Variants in SLC5A3 observed in about 807,000 individuals in gnomAD.
SLC5A3 encodes sodium/myo-inositol cotransporter.
SLC5A3 carries 10 observed loss-of-function variants against 43.2 expected under a neutral mutation model. The ratio of observed to expected loss-of-function variants is 0.23; its 90% CI spans 0.14 to 0.39. The LOEUF (loss-of-function observed/expected upper bound fraction) is 0.39. SLC5A3 is among the 10% of genes least tolerant of loss of function. The pLI is 1.00. For synonymous variants in SLC5A3, 349 were observed against 322.0 expected, an observed-to-expected ratio of 1.08 and a Z score of -0.90; for missense variants, 608 against 893.4, an observed-to-expected ratio of 0.68 and a Z score of 4.07.
At chr21:34,075,687 C>T (rs1989313064) in intron 1 of SLC5A3, among the ~76,000 whole-genome samples, 1 of 152,124 alleles carries the variant, frequency 6.6e-6, no homozygotes, top group Non-Finnish European at 1.5e-5. Flanking sequence ...GATCCTTGAC[C>T]TAAATAAAGT....
At chr21:34,079,233 AC>A (rs1246586413) in intron 1 of SLC5A3, among the ~76,000 whole-genome samples, 1 of 152,224 alleles carries the variant, frequency 6.6e-6, no homozygotes, top group Non-Finnish European at 1.5e-5. Flanking sequence ...ATTTCATAAA[AC>A]TTTCACATTT....
intron 1 of SLC5A3, 65 bp downstream of exon 1, chr21:34,073,810 TC>T: frequency 1.6e-6 from 2 of 1,238,460 alleles, no homozygotes; most frequent in Non-Finnish European, 2.1e-6. Flanking sequence ...TAGGCCGCCG[TC>T]CCCCGCGCGC....
chr21:34,078,507 A>G lies in SLC5A3; in HGVS notation c.-337+4762A>G, dbSNP rs1055100746. 6.6e-5 allele frequency among the ~76,000 whole-genome samples: 10 copies of G among 152,170 alleles called. No individual in the cohort carries two copies. In the East Asian group the frequency reaches 1.7e-3, roughly 26 times the overall value. ...TTTTTTTTCTTAATTCATGACTCAC[A>G]CATTCAATACTGATGTTTCTAGATT... On this transcript the variant is annotated intron_variant, in intron 1 of 1. Coordinates refer to ENST00000381151, the MANE Select transcript of SLC5A3 (RefSeq NM_006933.7).
Position 34,099,478 on chromosome 21 carries a change from CATT to C in SLC5A3, c.*2125_*2127del. ...TAAGATCTTGGATTTTTCAAATTAA[CATT>C]AAGTTGTAAGAACTAAAATTTTCTT... On this transcript the variant is annotated 3_prime_UTR_variant, in exon 2 of 2. Coordinates refer to ENST00000381151, the MANE Select transcript of SLC5A3 (RefSeq NM_006933.7). The C allele has an allele frequency of 1.0e-6, 1 of 999,864 alleles. No individual in the cohort carries two copies. The highest frequency in any genetic ancestry group is 1.7e-5 in the African/African-American group (1 of 57,350). 61.9% of individuals were successfully genotyped at this position (999,864 alleles called of 1,614,324 possible).
chr21:34,103,081 TTTG>T lies in SLC5A3; in HGVS notation c.*5732_*5734del, dbSNP rs1329579058. On this transcript the variant is annotated 3_prime_UTR_variant, in exon 2 of 2. Transcript: ENST00000381151. ...GGAATGTTCATTAGTAACTCATCTT[TTTG>T]TTGTTATAATTGGAAACAGAAACGA... is the stretch of plus-strand genomic sequence containing the variant. 4 of 1,000,034 alleles carry T rather than the reference TTTG, an allele frequency of 4.0e-6. No homozygotes were observed. The highest frequency in any genetic ancestry group is 5.2e-4 in the Middle Eastern group (1 of 1,938). 61.9% of individuals were successfully genotyped at this position (1,000,034 alleles called of 1,614,324 possible).
rs921448150 is a variant in SLC5A3, at chr21:34,103,107, C to T, written c.*5752C>T. The T allele has an allele frequency of 4.7e-5, 47 of 999,968 alleles. No homozygotes were observed. The highest frequency in any genetic ancestry group is 9.4e-5 in the South Asian group (2 of 21,278). The allele number at this position is 999,968 out of a possible 1,614,324, so 61.9% of individuals were successfully genotyped here. A position where few individuals can be genotyped will look rare whatever the true frequency, so the allele number is the denominator to read the frequency against. ...TTGTTGTTATAATTGGAAACAGAAACGAGGCTTATTGCTATTGCAGAAATC... is the reference window on the plus strand; with the variant it reads ...TTGTTGTTATAATTGGAAACAGAAATGAGGCTTATTGCTATTGCAGAAATC... On this transcript the variant is annotated 3_prime_UTR_variant, in exon 2 of 2. Coordinates refer to ENST00000381151, the MANE Select transcript of SLC5A3 (RefSeq NM_006933.7).
chr21:34,097,398 TGGTCTTTGGG>T lies in SLC5A3; in HGVS notation c.*45_*54del. 1.4e-6 allele frequency: 2 copies of T among 1,386,124 alleles called. No individual in the cohort carries two copies. Among genetic ancestry groups the T allele is most frequent in the Admixed American group, 3.2e-5 (1 of 31,620 alleles). 85.9% of individuals were successfully genotyped at this position (1,386,124 alleles called of 1,614,324 possible). On this transcript the variant is annotated 3_prime_UTR_variant, in exon 2 of 2. Coordinates refer to ENST00000381151, the MANE Select transcript of SLC5A3 (RefSeq NM_006933.7). ...GACACTAACTTAAGACAATACTGACTGGTCTTTGGGGAAAAAAGTTATGTAACTGTGCATC... is the reference window on the plus strand; with the variant it reads ...GACACTAACTTAAGACAATACTGACTGAAAAAAGTTATGTAACTGTGCATC...
At chr21:34,089,058 G>A (rs1052313566) in intron 1 of SLC5A3, among the ~76,000 whole-genome samples, 1 of 151,988 alleles carries the variant, frequency 6.6e-6, no homozygotes, top group South Asian at 2.1e-4. Context: ...AGACAGTCTC[G>A]CTCTGTTGCC....
chr21:34,076,764 A>G (rs1189074080), intron 1 of SLC5A3, among the ~76,000 whole-genome samples: 1 of 152,248 alleles, frequency 6.6e-6, no homozygotes, highest in Non-Finnish European at 1.5e-5. Context: ...GGTGACAAGC[A>G]ATTTGAAAAA....
At chr21:34,091,904 T>C (rs1190030760) in intron 1 of SLC5A3, among the ~76,000 whole-genome samples, 1 of 139,218 alleles carries the variant, frequency 7.2e-6, no homozygotes, top group Non-Finnish European at 1.5e-5. Context: ...TACATGCTTT[T>C]CATAACTATA....
rs980492786 is a variant in SLC5A3, at chr21:34,103,768, A to G, written c.*6413A>G. 2 of 1,000,104 alleles carry G rather than the reference A, an allele frequency of 2.0e-6. No homozygotes were observed. The highest frequency in any genetic ancestry group is 2.4e-6 in the Non-Finnish European group (2 of 829,878). 62.0% of individuals were successfully genotyped at this position (1,000,104 alleles called of 1,614,324 possible). On this transcript the variant is annotated 3_prime_UTR_variant, in exon 2 of 2. Transcript: ENST00000381151. ...CTAATGGTAAGGGACCCAAAGGAAT[A>G]ATCTCAATAAGTTTGTACCACATTG...
At chr21:34,079,034 G>A (rs571384960) in intron 1 of SLC5A3, among the ~76,000 whole-genome samples, 1 of 152,320 alleles carries the variant, frequency 6.6e-6, no homozygotes, top group African/African-American at 2.4e-5. Flanking sequence ...CTACCCTTGG[G>A]TTTGGAAAGT....
At chr21:34,078,971 A>G (rs1236520277) in intron 1 of SLC5A3, among the ~76,000 whole-genome samples, 3 of 152,260 alleles carry the variant, frequency 2.0e-5, no homozygotes, top group African/African-American at 7.2e-5. Context: ...TCCTTACTTA[A>G]GGAATTAGTC....
intron 1 of SLC5A3, among the ~76,000 whole-genome samples, chr21:34,080,315 C>G (rs1011135156): frequency 2.6e-5 from 4 of 152,220 alleles, no homozygotes; most frequent in African/African-American, 9.6e-5. Flanking sequence ...GAAGTCACAT[C>G]CAAGGCTGTC....
At chr21:34,094,555 C>A (rs2409513) in intron 1 of SLC5A3, among the ~76,000 whole-genome samples, 152,290 of 152,292 alleles carry the variant, frequency 1, 76,144 homozygotes, top group Non-Finnish European at 1. Context: ...CTAATCTGAG[C>A]ATACCACAGT....
Position 34,077,610 on chromosome 21 carries a change from AAAG to A in SLC5A3, c.-337+3870_-337+3872del, listed in dbSNP as rs528357500. Among the ~76,000 whole-genome samples, 495 of 152,342 alleles carry A rather than the reference AAAG, an allele frequency of 3.2e-3. 3 individuals carry two copies. The highest frequency in any genetic ancestry group is 0.011 in the African/African-American group (468 of 41,572). ...CTTCATATGTTTTTCTAATAGGAAT[AAAG>A]AAGATAGCTATTTTGGAAATCTTAA... On this transcript the variant is annotated intron_variant, in intron 1 of 1. Coordinates refer to ENST00000381151, the MANE Select transcript of SLC5A3 (RefSeq NM_006933.7).
chr21:34,086,517 T>TGTGTGTG (rs1978388281), intron 1 of SLC5A3, among the ~76,000 whole-genome samples: 3 of 148,274 alleles, frequency 2.0e-5, no homozygotes, highest in South Asian at 2.1e-4. Flanking sequence ...TAGTTTGTGT[T>TGTGTGTG]TGTGTGTGTG....
chr21:34,082,467 G>A (rs1782996), intron 1 of SLC5A3, among the ~76,000 whole-genome samples: 137,342 of 152,216 alleles, frequency 0.9, 63,634 homozygotes, highest in East Asian at 1. Context: ...GTTTGTACCC[G>A]TTGTATTAAC....
intron 1 of SLC5A3, among the ~76,000 whole-genome samples, chr21:34,086,991 A>G (rs1476288809): frequency 6.6e-6 from 1 of 152,162 alleles, no homozygotes; most frequent in Non-Finnish European, 1.5e-5. Flanking sequence ...ACTGCACACT[A>G]AGAGGTGGAT....
Sources: gnomAD v4.1 joint callset for allele counts (sites outside exome capture counted in the v4.1 genomes callset) on GRCh38, gnomAD v4.1.1 for gene constraint, MANE v1.5 for transcripts, NCBI Gene and HGNC (gene_info 2026-07-23, HGNC 2026-07-21) for gene names.